CNTNAP5: variants seen among roughly 807,000 people sequenced by gnomAD.
The protein encoded by CNTNAP5 is contactin-associated protein-like 5.
CNTNAP5 carries 72 observed loss-of-function variants against 150.2 expected under a neutral mutation model. That is an observed-to-expected ratio of 0.48 (90% CI 0.40 to 0.58). The LOEUF (loss-of-function observed/expected upper bound fraction) is 0.58, where lower values mean the gene tolerates loss of function less well. CNTNAP5 is among the 20% of genes least tolerant of loss of function. The pLI is 0.00. For missense variants in CNTNAP5, 1,636 were observed against 1,626.2 expected, an observed-to-expected ratio of 1.01 and a Z score of -0.10; for synonymous variants, 672 against 619.8, an observed-to-expected ratio of 1.08 and a Z score of -1.25.
intron 3 of CNTNAP5, among the ~76,000 whole-genome samples, chr2:124,394,924 A>G (rs1691207982): frequency 1.3e-5 from 2 of 152,206 alleles, no homozygotes; most frequent in South Asian, 4.1e-4. Context: ...GCAGTCTTTT[A>G]CAAACTATAT....
intron 23 of CNTNAP5, among the ~76,000 whole-genome samples, chr2:124,911,812 G>C (rs1173890920): frequency 6.6e-6 from 1 of 152,102 alleles, no homozygotes; most frequent in Non-Finnish European, 1.5e-5. Context: ...ACAGACAGCA[G>C]CTCACATTCT....
At chr2:124,215,266 A>C (rs1036927375) in intron 1 of CNTNAP5, among the ~76,000 whole-genome samples, 27 of 152,336 alleles carry the variant, frequency 1.8e-4, no homozygotes, top group African/African-American at 6.5e-4. Context: ...CGTGGTAATC[A>C]AGACGATGCA....
At position 124,618,027 on chromosome 2, in the gene CNTNAP5, G is replaced by A. The variant is rs1444659889; in HGVS notation, c.1876+8107G>A. ...TTTTTAGGAGTCACCAACCCACTGAGCTGACTTGATAGGTTGGAACCCAGA... is the reference window on the plus strand; with the variant it reads ...TTTTTAGGAGTCACCAACCCACTGAACTGACTTGATAGGTTGGAACCCAGA... On this transcript the variant is annotated intron_variant, in intron 12 of 23. Transcript: ENST00000682447. 3.3e-5 allele frequency among the ~76,000 whole-genome samples: 5 copies of A among 152,150 alleles called. No individual in the cohort carries two copies. In the South Asian group the frequency reaches 8.3e-4, roughly 25 times the overall value.
intron 3 of CNTNAP5, among the ~76,000 whole-genome samples, chr2:124,280,809 A>G (rs1471907492): frequency 6.6e-6 from 1 of 152,148 alleles, no homozygotes; most frequent in Non-Finnish European, 1.5e-5. Flanking sequence ...AAACAATTCT[A>G]AAAATAACAA....
At chr2:124,228,610 TAAATAATTG>T (rs1350721728) in intron 2 of CNTNAP5, among the ~76,000 whole-genome samples, 1 of 152,204 alleles carries the variant, frequency 6.6e-6, no homozygotes, top group Non-Finnish European at 1.5e-5. Flanking sequence ...TCTGGAAAAT[TAAATAATTG>T]TTAAATGGAT....
chr2:124,747,788 C>CTTT (rs34959025), intron 14 of CNTNAP5, among the ~76,000 whole-genome samples: 766 of 42,458 alleles, frequency 0.018, 66 homozygotes, highest in Non-Finnish European at 0.027. Flanking sequence ...CCTAACTCTT[C>CTTT]TTTTTTTTTT....
chr2:124,734,962 T>A (rs1056553345), intron 13 of CNTNAP5, among the ~76,000 whole-genome samples: 1 of 152,114 alleles, frequency 6.6e-6, no homozygotes, highest in Admixed American at 6.5e-5. Flanking sequence ...ACCTGATAAG[T>A]GTGAAGTAAA....
At chr2:124,702,360 T>C (rs868090754) in intron 13 of CNTNAP5, among the ~76,000 whole-genome samples, 26 of 33,040 alleles carry the variant, frequency 7.9e-4, no homozygotes, top group Non-Finnish European at 1.3e-3. Flanking sequence ...TTTTTTTTTT[T>C]TTTTTTTTTT....
intron 13 of CNTNAP5, among the ~76,000 whole-genome samples, chr2:124,720,875 C>T (rs541366688): frequency 6.4e-4 from 98 of 152,250 alleles, no homozygotes; most frequent in African/African-American, 1.7e-3. Context: ...TTGGATCAGA[C>T]GGAGAATATA....
intron 6 of CNTNAP5, among the ~76,000 whole-genome samples, chr2:124,451,513 C>CA (rs564537989): frequency 2.2e-4 from 34 of 151,858 alleles, no homozygotes; most frequent in Admixed American, 3.9e-4. Flanking sequence ...AAAAGTACTA[C>CA]AAAAAAAATC....
At chr2:124,173,268 C>A (rs1026201644) in intron 1 of CNTNAP5, among the ~76,000 whole-genome samples, 1 of 152,152 alleles carries the variant, frequency 6.6e-6, no homozygotes, top group Admixed American at 6.5e-5. Flanking sequence ...AATAACCATG[C>A]AATAGCCTCT....
intron 19 of CNTNAP5, among the ~76,000 whole-genome samples, chr2:124,820,235 T>A (rs1682456764): frequency 6.6e-6 from 1 of 152,200 alleles, no homozygotes; most frequent in Non-Finnish European, 1.5e-5. Context: ...TGAGGCATTT[T>A]GAAAGTCTCA....
Position 124,919,445 on chromosome 2 carries a change from C to G in CNTNAP5, c.*5157C>G, listed in dbSNP as rs768551589. Among the ~76,000 whole-genome samples, 11 of 152,030 alleles carry G rather than the reference C, an allele frequency of 7.2e-5. No homozygotes were observed. Among genetic ancestry groups the G allele is most frequent in the African/African-American group, 1.9e-4 (8 of 41,418 alleles). The stretch of plus-strand genomic sequence containing the variant: ...TACAAAATGGCTGAGCAGACATGAA[C>G]AAAGGTTAATGCAAAAGTTGGTTTT... On this transcript the variant is annotated 3_prime_UTR_variant, in exon 24 of 24. Transcript: ENST00000682447.
At chr2:124,787,063 C>T (rs188602491) in intron 17 of CNTNAP5, among the ~76,000 whole-genome samples, 42 of 150,724 alleles carry the variant, frequency 2.8e-4, no homozygotes, top group Middle Eastern at 6.9e-3. Flanking sequence ...CATTTTTGCC[C>T]GAGAAACCAC....
At position 124,482,167 on chromosome 2, in the gene CNTNAP5, T is replaced by A. The variant is rs1485695756; in HGVS notation, c.1062+7285T>A. ...CTGCAGTAATAAACGCAATGACCACTCCCCCATTCGAAGATCCTGTATTTC... is the reference window on the plus strand; with the variant it reads ...CTGCAGTAATAAACGCAATGACCACACCCCCATTCGAAGATCCTGTATTTC... On this transcript the variant is annotated intron_variant, in intron 7 of 23. Coordinates refer to ENST00000682447, the MANE Select transcript of CNTNAP5 (RefSeq NM_001367498.1). Among the ~76,000 whole-genome samples, 5 of 151,978 alleles carry A rather than the reference T, an allele frequency of 3.3e-5. No individual in the cohort carries two copies. In the East Asian group the frequency reaches 7.7e-4, roughly 23 times the overall value.
At chr2:124,784,408 A>G (rs1227711722) in intron 17 of CNTNAP5, among the ~76,000 whole-genome samples, 2 of 152,168 alleles carry the variant, frequency 1.3e-5, no homozygotes, top group Non-Finnish European at 2.9e-5. Context: ...TGACACATGG[A>G]GGTTTTCAAA....
intron 1 of CNTNAP5, among the ~76,000 whole-genome samples, chr2:124,065,725 A>G (rs1490770726): frequency 6.6e-6 from 1 of 152,186 alleles, no homozygotes; most frequent in Non-Finnish European, 1.5e-5. Flanking sequence ...AGAAATAGGA[A>G]TTCAAGTGCT....
intron 10 of CNTNAP5, among the ~76,000 whole-genome samples, chr2:124,562,604 G>A (rs554796761): frequency 6.6e-6 from 1 of 152,220 alleles, no homozygotes; most frequent in East Asian, 1.9e-4. Flanking sequence ...AATGTGTGTG[G>A]TAAAAATATT....
chr2:124,066,905 G>A (rs902558948), intron 1 of CNTNAP5, among the ~76,000 whole-genome samples: 6 of 152,036 alleles, frequency 3.9e-5, no homozygotes, highest in African/African-American at 1.2e-4. Context: ...GTTTTAAATG[G>A]CCAAATGGTA....
Sources: allele counts gnomAD v4.1 joint callset (sites outside exome capture counted in the v4.1 genomes callset), GRCh38; gene constraint gnomAD v4.1.1; transcripts MANE v1.5; gene names NCBI Gene and HGNC (gene_info 2026-07-23, HGNC 2026-07-21).